The following PICALM variants were observed in gnomAD, a reference collection of about 807,000 sequenced individuals.
The protein encoded by PICALM is phosphatidylinositol binding clathrin assembly protein, also known as phosphatidylinositol-binding clathrin assembly protein.
Under a neutral mutation model 80.5 loss-of-function variants are expected in PICALM, and 40 were observed. The ratio of observed to expected loss-of-function variants is 0.50; its 90% CI spans 0.39 to 0.65. The LOEUF is 0.65. Among genes scored for constraint, PICALM ranks in the 30% least tolerant of loss-of-function variants. The pLI is 0.00. For synonymous variants in PICALM, 288 were observed against 260.3 expected, an observed-to-expected ratio of 1.11 and a Z score of -1.02; for missense variants, 676 against 778.9, an observed-to-expected ratio of 0.87 and a Z score of 1.57.
At chr11:85,978,866 T>A (rs952321262) in intron 17 of PICALM, among the ~76,000 whole-genome samples, 1 of 152,212 alleles carries the variant, frequency 6.6e-6, no homozygotes, top group Non-Finnish European at 1.5e-5. Context: ...ATATTCATTA[T>A]ATTTTAATAG....
intron 13 of PICALM, among the ~76,000 whole-genome samples, chr11:85,985,115 C>CCCT (rs2094538966): frequency 1.3e-5 from 2 of 152,152 alleles, no homozygotes; most frequent in Non-Finnish European, 2.9e-5. Flanking sequence ...AGAAGTTAAA[C>CCCT]TTTTGGTGTC....
In PICALM at chr11:85,999,338, A is replaced by C. The variant is rs575379955; in HGVS notation, c.1154+1305T>G. On this transcript the variant is annotated intron_variant, in intron 11 of 19. Coordinates refer to ENST00000393346, the MANE Select transcript of PICALM (RefSeq NM_007166.4). ...TAAATGGGCTGTAAGATTTGCCCTT[A>C]ATTACTATTAAAAAGGTGAAAATTT... Among the ~76,000 whole-genome samples, 82 of 152,344 alleles carry C rather than the reference A, an allele frequency of 5.4e-4. No homozygotes were observed. The South Asian group carries it at 0.015, about 28-fold the overall frequency.
intron 6 of PICALM, 101 bp from the exon 7 acceptor site, chr11:86,011,237 A>G: frequency 1.6e-6 from 1 of 606,988 alleles, no homozygotes; most frequent in Non-Finnish European, 2.9e-6. Flanking sequence ...TCTCTAAAGG[A>G]GCATACATAC....
chr11:86,026,229 C>G, intron 3 of PICALM, 63 bp downstream of exon 3: 2 of 873,770 alleles, frequency 2.3e-6, no homozygotes, highest in Non-Finnish European at 3.8e-6. Flanking sequence ...GAGTTCTACT[C>G]TGGAGTAATC....
chr11:86,032,345 G>C (rs1037692047), intron 1 of PICALM, among the ~76,000 whole-genome samples: 10 of 152,180 alleles, frequency 6.6e-5, no homozygotes, highest in Non-Finnish European at 1.3e-4. Flanking sequence ...AAATAGGTTG[G>C]GTGCGGTGGC....
chr11:85,999,714 C>T (rs1224860615), intron 11 of PICALM, among the ~76,000 whole-genome samples: 1 of 152,204 alleles, frequency 6.6e-6, no homozygotes, highest in Non-Finnish European at 1.5e-5. Context: ...AGTCAGTAGG[C>T]AGGCAGATGA....
intron 5 of PICALM, 95 bp from the exon 6 acceptor site, chr11:86,012,487 G>A: frequency 2.9e-6 from 2 of 680,016 alleles, no homozygotes; most frequent in South Asian, 1.7e-5. Flanking sequence ...GTAAATTCAT[G>A]CATTAGGCAT....
chr11:86,010,957 G>T, intron 7 of PICALM, 73 bp downstream of exon 7: 1 of 696,962 alleles, frequency 1.4e-6, no homozygotes, highest in East Asian at 2.6e-5. Context: ...TTTGGATAGT[G>T]AGTGATGACT....
At chr11:85,966,453 TAGTC>T (rs879571978) in intron 19 of PICALM, among the ~76,000 whole-genome samples, 3 of 152,244 alleles carry the variant, frequency 2.0e-5, no homozygotes, top group African/African-American at 4.8e-5. Flanking sequence ...AATATTTTCT[TAGTC>T]AGTTTCAAAT....
intron 19 of PICALM, among the ~76,000 whole-genome samples, chr11:85,965,107 C>G (rs1213957601): frequency 2.0e-5 from 3 of 152,132 alleles, no homozygotes; most frequent in African/African-American, 7.2e-5. Flanking sequence ...CCATTGTAAA[C>G]AGCATTGAGA....
chr11:86,011,324 A>G (rs1460952060), intron 6 of PICALM, among the ~76,000 whole-genome samples, 188 bp from the exon 7 acceptor site: 3 of 152,240 alleles, frequency 2.0e-5, no homozygotes, highest in Non-Finnish European at 4.4e-5. Context: ...TTATACTAAA[A>G]AAAGAAACAT....
At chr11:85,963,818 G>A (rs770087061) in intron 19 of PICALM, among the ~76,000 whole-genome samples, 11 of 151,378 alleles carry the variant, frequency 7.3e-5, no homozygotes, top group Middle Eastern at 3.4e-3. Context: ...GTGTAGTGGC[G>A]CAGTCACGGG....
chr11:86,017,754 GCCA>G (rs1469586737), intron 4 of PICALM, among the ~76,000 whole-genome samples: 2 of 152,178 alleles, frequency 1.3e-5, no homozygotes, highest in Non-Finnish European at 2.9e-5. Flanking sequence ...CAGTTTGTGT[GCCA>G]CCATGTGAAA....
chr11:86,019,224 T>C (rs923068999), intron 4 of PICALM, among the ~76,000 whole-genome samples: 1 of 152,018 alleles, frequency 6.6e-6, no homozygotes, highest in Non-Finnish European at 1.5e-5. Context: ...CATGATATAA[T>C]AATTTCAATT....
At chr11:85,976,518 G>C in intron 18 of PICALM, 105 bp downstream of exon 18, 1 of 706,478 alleles carries the variant, frequency 1.4e-6, no homozygotes, top group Non-Finnish European at 2.6e-6. Flanking sequence ...ACTAGGGCTA[G>C]GAGTATGAGG....
chr11:86,054,386 C>T (rs976368689), intron 1 of PICALM, among the ~76,000 whole-genome samples: 7 of 152,154 alleles, frequency 4.6e-5, no homozygotes, highest in Non-Finnish European at 1.0e-4. Flanking sequence ...AAAATGAAGA[C>T]GGAGGATGGC....
intron 12 of PICALM, among the ~76,000 whole-genome samples, chr11:85,991,861 G>T (rs1479279117): frequency 6.6e-6 from 1 of 152,036 alleles, no homozygotes; most frequent in Non-Finnish European, 1.5e-5. Context: ...GGGTTTTTTT[G>T]TTTTCTTCTT....
At chr11:86,039,544 A>G (rs1018112990) in intron 1 of PICALM, among the ~76,000 whole-genome samples, 29 of 152,236 alleles carry the variant, frequency 1.9e-4, no homozygotes, top group East Asian at 3.8e-4. Flanking sequence ...AAAAACTGCC[A>G]TAAGTCTTCA....
chr11:86,062,309 G>GAGCTCGAGACCAGC (rs2096380388), intron 1 of PICALM, among the ~76,000 whole-genome samples: 1 of 152,148 alleles, frequency 6.6e-6, no homozygotes, highest in African/African-American at 2.4e-5. Flanking sequence ...CTGAGGTCAG[G>GAGCTCGAGACCAGC]AGCTCGAGAC....
Sources: allele counts gnomAD v4.1 joint callset (sites outside exome capture counted in the v4.1 genomes callset), GRCh38; gene constraint gnomAD v4.1.1; transcripts MANE v1.5; gene names NCBI Gene and HGNC (gene_info 2026-07-23, HGNC 2026-07-21).